EPHA7: variants seen among roughly 807,000 people sequenced by gnomAD.
EPHA7 encodes EPH receptor A7, also known as ephrin type-A receptor 7.
A neutral mutation model predicts 112.6 loss-of-function variants in EPHA7; 25 were observed. The ratio of observed to expected loss-of-function variants is 0.22; its 90% CI spans 0.16 to 0.31. The LOEUF is 0.31. Ranked by LOEUF, EPHA7 falls within the 10% of genes least tolerant of loss-of-function variation. EPHA7 has a pLI of 1.00. For missense variants in EPHA7, 962 were observed against 1,212.6 expected (o/e 0.79, Z 3.07); for synonymous variants, 437 against 406.5 (o/e 1.07, Z -0.90).
chr6:93,334,496 C>T (rs910365298), intron 5 of EPHA7, among the ~76,000 whole-genome samples: 1 of 151,950 alleles, frequency 6.6e-6, no homozygotes, highest in African/African-American at 2.4e-5. Context: ...TGGCATCCAA[C>T]AAAAATCTAA....
At chr6:93,339,158 T>G (rs1281732698) in intron 5 of EPHA7, among the ~76,000 whole-genome samples, 4 of 151,622 alleles carry the variant, frequency 2.6e-5, no homozygotes, top group African/African-American at 9.7e-5. Flanking sequence ...TGGGAGATAG[T>G]GTCTTCAGAA....
At chr6:93,299,358 A>G (rs1269376500) in intron 5 of EPHA7, among the ~76,000 whole-genome samples, 1 of 143,974 alleles carries the variant, frequency 6.9e-6, no homozygotes, top group Non-Finnish European at 1.5e-5. Flanking sequence ...TAAAATAAAG[A>G]AAAAAAAAAG....
chr6:93,361,712 A>G (rs190734935), intron 3 of EPHA7, among the ~76,000 whole-genome samples: 5 of 152,148 alleles, frequency 3.3e-5, no homozygotes, highest in African/African-American at 1.2e-4. Flanking sequence ...CCCTTCATAC[A>G]TAATTATGTA....
intron 3 of EPHA7, among the ~76,000 whole-genome samples, chr6:93,395,138 TAAGA>T (rs1385038424): frequency 6.6e-6 from 1 of 151,814 alleles, no homozygotes; most frequent in Non-Finnish European, 1.5e-5. Flanking sequence ...ATTTAAAGAC[TAAGA>T]AAGATTATTA....
rs182577261 is a variant in EPHA7 at position 93,383,414 on chromosome 6, G to A, written c.833-25003C>T. ...TTCTATCATGGTTCCTCAGTTTAAC[G>A]TGAGGAAACTTAAAGTTATGTGAGA... is the stretch of plus-strand genomic sequence containing the variant. On this transcript the variant is annotated intron_variant, in intron 3 of 16. Transcript: ENST00000369303. Among the ~76,000 whole-genome samples, 69 of 151,912 alleles carry A rather than the reference G, an allele frequency of 4.5e-4. No individual in the cohort carries two copies. The East Asian group carries it at 7.2e-3, about 16-fold the overall frequency.
chr6:93,318,156 T>TA (rs1356165719), intron 5 of EPHA7, among the ~76,000 whole-genome samples: 3 of 152,222 alleles, frequency 2.0e-5, no homozygotes, highest in Non-Finnish European at 2.9e-5. Flanking sequence ...TTGAATAAAA[T>TA]AGTGTATATG....
rs555806516 is a variant in EPHA7 at position 93,360,637 on chromosome 6, C to T, written c.833-2226G>A. ...ATAAAGGCTAATTCCCCTTTTTCCA[C>T]AAATGAGGTGCATTCCTTGCTCAAC... On this transcript the variant is annotated intron_variant, in intron 3 of 16. Transcript: ENST00000369303. Among the ~76,000 whole-genome samples the T allele has an allele frequency of 6.2e-4, 95 of 152,180 alleles. 1 individual carries two copies. The highest frequency in any genetic ancestry group is 3.3e-3 in the Admixed American group (51 of 15,282).
chr6:93,301,666 T>C (rs1011235372), intron 5 of EPHA7, among the ~76,000 whole-genome samples: 32 of 152,300 alleles, frequency 2.1e-4, no homozygotes, highest in Middle Eastern at 3.4e-3. Flanking sequence ...CCAAAAGTGA[T>C]GACAGAGGAG....
At chr6:93,246,228 T>G (rs1769943606) in intron 15 of EPHA7, among the ~76,000 whole-genome samples, 1 of 151,914 alleles carries the variant, frequency 6.6e-6, no homozygotes, top group South Asian at 2.1e-4. Flanking sequence ...ATTTTTGTAT[T>G]TTTAGTAGAG....
intron 3 of EPHA7, among the ~76,000 whole-genome samples, chr6:93,396,256 A>G (rs1483861177): frequency 2.6e-5 from 4 of 151,926 alleles, no homozygotes; most frequent in African/African-American, 9.7e-5. Flanking sequence ...AACAATAATT[A>G]TACAGAACTA....
At chr6:93,395,996 T>C (rs1042246765) in intron 3 of EPHA7, among the ~76,000 whole-genome samples, 1 of 151,918 alleles carries the variant, frequency 6.6e-6, no homozygotes, top group South Asian at 2.1e-4. Context: ...ATGCCCTTTT[T>C]GGCTAGCTAA....
chr6:93,360,395 G>T (rs1776201611), intron 3 of EPHA7, among the ~76,000 whole-genome samples: 1 of 152,038 alleles, frequency 6.6e-6, no homozygotes, highest in African/African-American at 2.4e-5. Flanking sequence ...AGACATTAAG[G>T]CCTGGACAAG....
chr6:93,340,297 A>C (rs1371148416), intron 5 of EPHA7, among the ~76,000 whole-genome samples: 1 of 151,874 alleles, frequency 6.6e-6, no homozygotes, highest in Non-Finnish European at 1.5e-5. Context: ...TGACCAATTT[A>C]AATTCTGAGT....
At chr6:93,308,717 G>C (rs544070176) in intron 5 of EPHA7, among the ~76,000 whole-genome samples, 41 of 151,836 alleles carry the variant, frequency 2.7e-4, no homozygotes, top group African/African-American at 9.7e-4. Flanking sequence ...TAGCTAGTTA[G>C]GAATATACTA....
chr6:93,303,184 G>T (rs1416969939), intron 5 of EPHA7, among the ~76,000 whole-genome samples: 1 of 152,078 alleles, frequency 6.6e-6, no homozygotes, highest in Non-Finnish European at 1.5e-5. Context: ...CTTTACATTT[G>T]CTCAGACCAG....
At chr6:93,356,633 GAGAA>G in intron 5 of EPHA7, 80 bp downstream of exon 5, 2 of 1,277,300 alleles carry the variant, frequency 1.6e-6, no homozygotes, top group Admixed American at 4.4e-5. Flanking sequence ...GCTCTGTGCA[GAGAA>G]ACTAACTAAA....
At chr6:93,400,515 A>T (rs1778387911) in intron 3 of EPHA7, among the ~76,000 whole-genome samples, 1 of 152,028 alleles carries the variant, frequency 6.6e-6, no homozygotes, top group African/African-American at 2.4e-5. Context: ...TTTAGAAAGA[A>T]TGATTCCTGC....
At chr6:93,369,292 A>G (rs1164017270) in intron 3 of EPHA7, among the ~76,000 whole-genome samples, 1 of 151,976 alleles carries the variant, frequency 6.6e-6, no homozygotes, top group Non-Finnish European at 1.5e-5. Context: ...CTACTCCTTC[A>G]TAAGAGAAAA....
chr6:93,397,858 A>G (rs1380658606), intron 3 of EPHA7, among the ~76,000 whole-genome samples: 1 of 152,032 alleles, frequency 6.6e-6, no homozygotes, highest in Non-Finnish European at 1.5e-5. Context: ...AGTGGCTGCA[A>G]TAAAAAAGTG....
Sources: gnomAD v4.1 joint callset for allele counts (sites outside exome capture counted in the v4.1 genomes callset) on GRCh38, gnomAD v4.1.1 for gene constraint, MANE v1.5 for transcripts, NCBI Gene and HGNC (gene_info 2026-07-23, HGNC 2026-07-21) for gene names.